The following LHFPL6 variants were observed in gnomAD, a reference collection of about 807,000 sequenced individuals.
LHFPL6 encodes LHFPL tetraspan subfamily member 6 protein.
Under a neutral mutation model 20.6 loss-of-function variants are expected in LHFPL6, and 9 were observed. The observed-to-expected ratio is 0.44, with a 90% CI of 0.26 to 0.76. The LOEUF is 0.76. Among genes scored for constraint, LHFPL6 ranks in the 30% least tolerant of loss-of-function variants. The pLI is 0.20. For synonymous variants in LHFPL6, 105 were observed against 98.7 expected (o/e 1.06, Z -0.38); for missense variants, 218 against 253.5 (o/e 0.86, Z 0.95).
chr13:39,550,589 T>C (rs921873839), intron 2 of LHFPL6, among the ~76,000 whole-genome samples: 27 of 152,126 alleles, frequency 1.8e-4, no homozygotes, highest in Admixed American at 5.9e-4. Flanking sequence ...TTCCATTTTT[T>C]ACCATGAAAG....
intron 2 of LHFPL6, among the ~76,000 whole-genome samples, chr13:39,503,911 C>A (rs547148495): frequency 2.6e-5 from 4 of 152,218 alleles, no homozygotes; most frequent in Non-Finnish European, 5.9e-5. Flanking sequence ...TCCAAAAGTT[C>A]TTGAAGAGTC....
intron 2 of LHFPL6, among the ~76,000 whole-genome samples, chr13:39,510,998 G>C (rs544836313): frequency 6.6e-6 from 1 of 151,732 alleles, no homozygotes; most frequent in Non-Finnish European, 1.5e-5. Flanking sequence ...TCAGCTTCCC[G>C]AGTAGGTGAA....
intron 2 of LHFPL6, among the ~76,000 whole-genome samples, chr13:39,525,771 T>C (rs1220080898): frequency 6.6e-6 from 1 of 152,234 alleles, no homozygotes; most frequent in African/African-American, 2.4e-5. Context: ...TTCATAACTG[T>C]ATGCTGAAAA....
In LHFPL6 at chr13:39,414,827, A is replaced by G. The variant is rs111815998; in HGVS notation, c.386-36301T>C. On this transcript the variant is annotated intron_variant, in intron 2 of 3. Coordinates refer to ENST00000379589, the MANE Select transcript of LHFPL6 (RefSeq NM_005780.3). ...GCCTGTTGGCATTTAGACCCCTAAG[A>G]GTATTATACAGGCTAGGGTAAATTA... Among the ~76,000 whole-genome samples the G allele has an allele frequency of 2.2e-3, 341 of 152,334 alleles. 4 individuals are homozygous for G. The highest frequency in any genetic ancestry group is 7.5e-3 in the African/African-American group (313 of 41,574).
chr13:39,515,953 A>G (rs942467005), intron 2 of LHFPL6, among the ~76,000 whole-genome samples: 1 of 152,226 alleles, frequency 6.6e-6, no homozygotes, highest in Admixed American at 6.5e-5. Context: ...AGAGTTATAC[A>G]TAATTACAGT....
chr13:39,553,321 G>A (rs1026563823), intron 2 of LHFPL6, among the ~76,000 whole-genome samples: 7 of 152,132 alleles, frequency 4.6e-5, no homozygotes, highest in African/African-American at 1.7e-4. Context: ...TAAATTTGCA[G>A]CTTCACCCCA....
intron 2 of LHFPL6, among the ~76,000 whole-genome samples, chr13:39,501,858 A>T (rs189535573): frequency 1.9e-3 from 285 of 152,322 alleles, no homozygotes; most frequent in Non-Finnish European, 2.9e-3. Context: ...AAGAGGAGCC[A>T]AGAGTCAAGC....
At chr13:39,543,337 A>G (rs1239644914) in intron 2 of LHFPL6, among the ~76,000 whole-genome samples, 1 of 152,210 alleles carries the variant, frequency 6.6e-6, no homozygotes, top group Non-Finnish European at 1.5e-5. Context: ...ACCTTAGTCC[A>G]GAATCTGTTT....
At chr13:39,387,864 G>A (rs1661533862) in intron 2 of LHFPL6, among the ~76,000 whole-genome samples, 1 of 152,144 alleles carries the variant, frequency 6.6e-6, no homozygotes, top group Admixed American at 6.5e-5. Flanking sequence ...GTCTAAGAAT[G>A]ACACTGCTTT....
chr13:39,379,275 A>G (rs1004058614), intron 2 of LHFPL6, among the ~76,000 whole-genome samples: 2 of 152,218 alleles, frequency 1.3e-5, no homozygotes, highest in Non-Finnish European at 2.9e-5. Flanking sequence ...ATCAAAGCCT[A>G]ACATGGTTTT....
chr13:39,560,664 G>T (rs972038766), intron 2 of LHFPL6, among the ~76,000 whole-genome samples: 11 of 151,770 alleles, frequency 7.2e-5, no homozygotes, highest in Non-Finnish European at 1.2e-4. Context: ...ACAGGTGCCC[G>T]CCCCCACGCC....
At chr13:39,524,723 A>C (rs1870233111) in intron 2 of LHFPL6, among the ~76,000 whole-genome samples, 1 of 152,154 alleles carries the variant, frequency 6.6e-6, no homozygotes, top group African/African-American at 2.4e-5. Flanking sequence ...GACTTAGGGG[A>C]ACATGAGACA....
chr13:39,521,891 A>G (rs986096625), intron 2 of LHFPL6, among the ~76,000 whole-genome samples: 8 of 152,256 alleles, frequency 5.3e-5, no homozygotes, highest in Admixed American at 1.3e-4. Context: ...CCAGCCAAAA[A>G]GGAAAACCAA....
At chr13:39,550,848 A>C (rs1287616986) in intron 2 of LHFPL6, among the ~76,000 whole-genome samples, 2 of 152,158 alleles carry the variant, frequency 1.3e-5, no homozygotes, top group African/African-American at 2.4e-5. Flanking sequence ...GAATGCTTTT[A>C]AAGAGTATGT....
At chr13:39,447,836 T>C (rs193118809) in intron 2 of LHFPL6, among the ~76,000 whole-genome samples, 3 of 152,346 alleles carry the variant, frequency 2.0e-5, no homozygotes, top group Admixed American at 1.3e-4. Context: ...TTTTGAAAAG[T>C]CTGGAAAGTG....
chr13:39,440,117 A>C (rs1872075717), intron 2 of LHFPL6, among the ~76,000 whole-genome samples: 1 of 152,344 alleles, frequency 6.6e-6, no homozygotes, highest in East Asian at 1.9e-4. Context: ...AGAGAGAGAG[A>C]GATCACATAA....
At chr13:39,527,494 A>C (rs1400785484) in intron 2 of LHFPL6, among the ~76,000 whole-genome samples, 3 of 150,764 alleles carry the variant, frequency 2.0e-5, no homozygotes, top group African/African-American at 7.3e-5. Flanking sequence ...ACATGGTTCC[A>C]TCTGTTGTCC....
intron 2 of LHFPL6, among the ~76,000 whole-genome samples, chr13:39,461,956 C>A (rs1392543772): frequency 1.4e-5 from 2 of 144,928 alleles, no homozygotes; most frequent in East Asian, 5.6e-4. Context: ...AAAAAGTAGA[C>A]TAGGATTCAC....
At chr13:39,537,129 AGTGTCTTCCT>A (rs1255013298) in intron 2 of LHFPL6, among the ~76,000 whole-genome samples, 5 of 152,178 alleles carry the variant, frequency 3.3e-5, no homozygotes, top group African/African-American at 9.7e-5. Context: ...CTCTGTTTGC[AGTGTCTTCCT>A]GCCTTTCACT....
Sources: allele counts gnomAD v4.1 joint callset (sites outside exome capture counted in the v4.1 genomes callset), GRCh38; gene constraint gnomAD v4.1.1; transcripts MANE v1.5; gene names NCBI Gene and HGNC (gene_info 2026-07-23, HGNC 2026-07-21).